The following GBE1 variants were observed in gnomAD, a reference collection of about 807,000 sequenced individuals.
GBE1 encodes 1,4-alpha-glucan-branching enzyme.
A neutral mutation model predicts 88.8 loss-of-function variants in GBE1; 70 were observed. The observed-to-expected ratio is 0.79, with a 90% confidence interval of 0.65 to 0.96. The LOEUF (loss-of-function observed/expected upper bound fraction) is 0.96. Among genes scored for constraint, GBE1 ranks in the 40% least tolerant of loss-of-function variants. GBE1 has a pLI of 0.00. For missense variants in GBE1, 872 were observed against 871.0 expected (o/e 1.00, Z -0.01); for synonymous variants, 284 against 300.1 (o/e 0.95, Z 0.56).
chr3:81,737,329 AT>A (rs1272036247), intron 1 of GBE1, among the ~76,000 whole-genome samples: 106 of 71,378 alleles, frequency 1.5e-3, no homozygotes, highest in African/African-American at 5.4e-3. Context: ...ATTTATATAT[AT>A]TTTTATATAT....
chr3:81,700,703 A>G (rs1705674951), intron 2 of GBE1, among the ~76,000 whole-genome samples: 1 of 152,158 alleles, frequency 6.6e-6, no homozygotes, highest in African/African-American at 2.4e-5. Flanking sequence ...AAAAAAAATT[A>G]TAGACAAAAC....
chr3:81,520,297 G>A (rs1027213369), intron 14 of GBE1, among the ~76,000 whole-genome samples: 2 of 151,418 alleles, frequency 1.3e-5, no homozygotes, highest in East Asian at 1.9e-4. Flanking sequence ...GCATGTCTCC[G>A]CATCACATTT....
chr3:81,618,110 T>A (rs899021592), intron 7 of GBE1, among the ~76,000 whole-genome samples: 1 of 152,028 alleles, frequency 6.6e-6, no homozygotes, highest in South Asian at 2.1e-4. Context: ...ACTCTTTCCA[T>A]TTTTTCTTCT....
chr3:81,668,773 T>C (rs1705149313), intron 3 of GBE1, among the ~76,000 whole-genome samples: 1 of 152,144 alleles, frequency 6.6e-6, no homozygotes, highest in South Asian at 2.1e-4. Context: ...GAAAATCTGT[T>C]TTTCAAATTT....
intron 14 of GBE1, among the ~76,000 whole-genome samples, chr3:81,533,050 GTTTTATACATCTCTT>G (rs1273797972): frequency 2.0e-5 from 3 of 151,674 alleles, no homozygotes; most frequent in African/African-American, 7.3e-5. Flanking sequence ...CGCAGTTTGG[GTTTTATACATCTCTT>G]TCCCTCCACT....
rs1705178777 is a variant in GBE1, at chr3:81,670,825, G to A, written c.429+13C>T. 2 of 1,369,918 alleles carry A rather than the reference G, an allele frequency of 1.5e-6. No individual in the cohort carries two copies. Among genetic ancestry groups the A allele is most frequent in the Non-Finnish European group, 2.0e-6 (2 of 1,008,668 alleles). 84.9% of individuals were successfully genotyped at this position (1,369,918 alleles called of 1,614,324 possible). On this transcript the variant is annotated intron_variant, in intron 3 of 15. Transcript: ENST00000429644. ...ATGATAAGTTCAAGAAAAAATAGGA[G>A]GGAGGAAAGTACCTTTAATTTGGAT...
chr3:81,696,686 T>C (rs978618267), intron 2 of GBE1, among the ~76,000 whole-genome samples: 2 of 151,998 alleles, frequency 1.3e-5, no homozygotes, highest in Non-Finnish European at 2.9e-5. Context: ...AGAACAACCA[T>C]AAACAAGATA....
intron 3 of GBE1, among the ~76,000 whole-genome samples, chr3:81,660,710 C>CAAA (rs11387316): frequency 6.6e-6 from 1 of 151,056 alleles, no homozygotes; most frequent in Non-Finnish European, 1.5e-5. Context: ...TACTGAAGTG[C>CAAA]AAAAAAAACA....
At chr3:81,613,160 T>C in intron 7 of GBE1, 1 of 291,842 alleles carries the variant, frequency 3.4e-6, no homozygotes. Flanking sequence ...TTTTTTTTTT[T>C]TTTAATCTTG....
chr3:81,656,709 G>T (rs1347487682), intron 3 of GBE1, among the ~76,000 whole-genome samples: 1 of 152,108 alleles, frequency 6.6e-6, no homozygotes, highest in African/African-American at 2.4e-5. Flanking sequence ...CATTTGTCTT[G>T]TGTTCTTACT....
chr3:81,581,228 T>G lies in GBE1; in HGVS notation c.1383A>C (p.Val461=). 1 of 1,606,400 alleles carries G rather than the reference T, an allele frequency of 6.2e-7. No homozygotes were observed. The highest frequency in any genetic ancestry group is 8.5e-7 in the Non-Finnish European group (1 of 1,176,834). The change falls in exon 11 of 16, where the codon GTA becomes GTC. Residue 461 remains valine (V), a synonymous_variant. Transcript: ENST00000429644. ...GGTAGCGCCTGTTTGTGAGCGTGTA[T>G]ACTATATCGCCCATGTTCCAGTCTT... ...KDEDWNMGDI[V]YTLTNRRYLE...
intron 3 of GBE1, among the ~76,000 whole-genome samples, chr3:81,663,577 A>G (rs1705061175): frequency 6.6e-6 from 1 of 152,158 alleles, no homozygotes; most frequent in South Asian, 2.1e-4. Context: ...CCCAGATGTG[A>G]TCCTATTCTT....
intron 11 of GBE1, among the ~76,000 whole-genome samples, chr3:81,580,868 G>A (rs1223255470): frequency 6.6e-6 from 1 of 152,020 alleles, no homozygotes; most frequent in Non-Finnish European, 1.5e-5. Context: ...ATTATGACAA[G>A]GGAAAACATA....
chr3:81,634,384 A>G (rs1370845484), intron 7 of GBE1, among the ~76,000 whole-genome samples: 3 of 152,190 alleles, frequency 2.0e-5, no homozygotes, highest in Non-Finnish European at 1.5e-5. Context: ...CCAATTCTAA[A>G]ACCACCCACT....
At chr3:81,636,609 C>A (rs1704595199) in intron 7 of GBE1, among the ~76,000 whole-genome samples, 1 of 151,540 alleles carries the variant, frequency 6.6e-6, no homozygotes, top group Non-Finnish European at 1.5e-5. Context: ...CGGCTCACTG[C>A]AACCTCCGCC....
At chr3:81,659,502 ATT>A (rs35138103) in intron 3 of GBE1, among the ~76,000 whole-genome samples, 5,256 of 127,014 alleles carry the variant, frequency 0.041, 161 homozygotes, top group Admixed American at 0.097. Flanking sequence ...CGCCCGGCTA[ATT>A]TTTTTTTTTT....
At chr3:81,630,192 T>C (rs1310528007) in intron 7 of GBE1, among the ~76,000 whole-genome samples, 1 of 152,124 alleles carries the variant, frequency 6.6e-6, no homozygotes, top group East Asian at 1.9e-4. Flanking sequence ...ATAAAATACC[T>C]AGGAATCCAA....
chr3:81,583,820 T>C (rs1297883255), intron 10 of GBE1, among the ~76,000 whole-genome samples: 3 of 152,080 alleles, frequency 2.0e-5, no homozygotes, highest in Admixed American at 6.6e-5. Flanking sequence ...GCAATGAACG[T>C]GTTTTGCACC....
chr3:81,528,575 G>T (rs1702975700), intron 14 of GBE1, among the ~76,000 whole-genome samples: 1 of 151,970 alleles, frequency 6.6e-6, no homozygotes, highest in Admixed American at 6.6e-5. Context: ...TGAAGGTGGG[G>T]TATTGAAGTC....
Sources: gnomAD v4.1 joint callset for allele counts (sites outside exome capture counted in the v4.1 genomes callset) on GRCh38, gnomAD v4.1.1 for gene constraint, MANE v1.5 for transcripts, NCBI Gene and HGNC (gene_info 2026-07-23, HGNC 2026-07-21) for gene names.